GTF3C4: variants seen among roughly 807,000 people sequenced by gnomAD.
GTF3C4 encodes the protein general transcription factor IIIC subunit 4.
GTF3C4 carries 28 observed loss-of-function variants against 67.5 expected under a neutral mutation model. The observed-to-expected ratio is 0.41, with a 90% CI of 0.31 to 0.57. The LOEUF (loss-of-function observed/expected upper bound fraction) is 0.57. Ranked by LOEUF, GTF3C4 falls within the 20% of genes least tolerant of loss-of-function variation. GTF3C4 has a pLI of 0.21. For synonymous variants in GTF3C4, 409 were observed against 393.0 expected (o/e 1.04, Z -0.48); for missense variants, 831 against 1,033.2 (o/e 0.80, Z 2.68).
chr9:132,682,829 C>T (rs956013461), intron 2 of GTF3C4, among the ~76,000 whole-genome samples: 4 of 152,062 alleles, frequency 2.6e-5, no homozygotes, highest in Non-Finnish European at 4.4e-5. Flanking sequence ...GTCTCGAACT[C>T]CTGACCTCAA....
At chr9:132,671,443 A>G (rs957743897) in intron 1 of GTF3C4, among the ~76,000 whole-genome samples, 1 of 152,086 alleles carries the variant, frequency 6.6e-6, no homozygotes, top group African/African-American at 2.4e-5. Context: ...GGTCCCATCC[A>G]TTGTCTTAAT....
chr9:132,674,302 A>G (rs1263286801), intron 1 of GTF3C4, among the ~76,000 whole-genome samples: 1 of 152,266 alleles, frequency 6.6e-6, no homozygotes, highest in Non-Finnish European at 1.5e-5. Context: ...TGGACTTTTT[A>G]AGTATACTCC....
chr9:132,677,381 G>A (rs561791388), intron 1 of GTF3C4, among the ~76,000 whole-genome samples: 12 of 152,278 alleles, frequency 7.9e-5, no homozygotes, highest in Admixed American at 5.2e-4. Flanking sequence ...CAGCCCGGGC[G>A]ACAGAATGAG....
At position 132,679,831 on chromosome 9, in the gene GTF3C4, A is replaced by G. The variant is rs767326587; in HGVS notation, c.2184+28A>G. ...AGGTGTTTATTAACAAAAACTCTGA[A>G]ATTGTAAAGCCTGCTTTCTTCATGA... On this transcript the variant is annotated intron_variant, in intron 2 of 4. Coordinates refer to ENST00000372146, the MANE Select transcript of GTF3C4 (RefSeq NM_012204.4). This position sits in a 1 kb window ranked among gnomAD's most constrained non-coding sequence, Gnocchi z 5.9. The G allele has an allele frequency of 1.4e-4, 214 of 1,533,536 alleles. 1 individual carries two copies. The highest frequency in any genetic ancestry group is 5.2e-5 in the Non-Finnish European group (59 of 1,136,628). The allele number at this position is 1,533,536 out of a possible 1,614,324, so 95.0% of individuals were successfully genotyped here. A position where few individuals can be genotyped will look rare whatever the true frequency, so the allele number is the denominator to read the frequency against.
At chr9:132,687,623 A>C (rs971596694) in intron 4 of GTF3C4, among the ~76,000 whole-genome samples, 1 of 152,220 alleles carries the variant, frequency 6.6e-6, no homozygotes, top group African/African-American at 2.4e-5. Flanking sequence ...AAAATGTCAG[A>C]GCTTGTTTCA....
At chr9:132,671,613 C>A (rs535497914) in intron 1 of GTF3C4, among the ~76,000 whole-genome samples, 11 of 152,340 alleles carry the variant, frequency 7.2e-5, no homozygotes, top group South Asian at 6.2e-4. Context: ...TCTTAAACTT[C>A]AAGCGCAAGG....
intron 3 of GTF3C4, among the ~76,000 whole-genome samples, chr9:132,686,302 GGCTGAAATACCCCAGTAT>G (rs1302413790): frequency 6.6e-6 from 1 of 152,116 alleles, no homozygotes; most frequent in Non-Finnish European, 1.5e-5. Flanking sequence ...CTAAAGTTAG[GGCTGAAATACCCCAGTAT>G]GATTTCTCTA....
intron 3 of GTF3C4, among the ~76,000 whole-genome samples, chr9:132,686,705 A>C (rs922864265): frequency 6.6e-6 from 1 of 152,186 alleles, no homozygotes; most frequent in Admixed American, 6.5e-5. Flanking sequence ...GGTTTTCCCC[A>C]GTGTACTGTC....
rs1053961648 is a variant in GTF3C4, at chr9:132,691,798, C to G, written c.*2853C>G. 1.3e-5 allele frequency: 2 copies of G among 152,146 alleles called. No individual in the cohort carries two copies. The highest frequency in any genetic ancestry group is 4.8e-5 in the African/African-American group (2 of 41,444). The allele number at this position is 152,146 out of a possible 1,614,324, so 9.4% of individuals were successfully genotyped here. On this transcript the variant is annotated 3_prime_UTR_variant, in exon 5 of 5. Coordinates refer to ENST00000372146, the MANE Select transcript of GTF3C4 (RefSeq NM_012204.4). Reference sequence around the variant, plus strand: ...TGGCAAAGCTCATGGTTGAATATGACATTTTTCTGCTTTTCCCTCTAAGAA... The same window carrying G: ...TGGCAAAGCTCATGGTTGAATATGAGATTTTTCTGCTTTTCCCTCTAAGAA...
chr9:132,683,824 C>CTAT, intron 3 of GTF3C4, 131 bp downstream of exon 3: 1 of 884,180 alleles, frequency 1.1e-6, no homozygotes, highest in Non-Finnish European at 1.7e-6. Flanking sequence ...AGAAAAGCTG[C>CTAT]TATTATAAAG....
chr9:132,683,941 C>A lies in GTF3C4; in HGVS notation c.2315+248C>A, dbSNP rs192626125. Among the ~76,000 whole-genome samples, 144 of 152,204 alleles carry A rather than the reference C, an allele frequency of 9.5e-4. 1 individual carries two copies. The highest frequency in any genetic ancestry group is 1.9e-3 in the South Asian group (9 of 4,818). On this transcript the variant is annotated intron_variant, in intron 3 of 4. Transcript: ENST00000372146. ...TTTTCTTGTTTTATTTGTTCATTTT[C>A]CTAATTGAACAAATTATGGCTCCTC...
chr9:132,672,205 A>G (rs1835789871), intron 1 of GTF3C4, among the ~76,000 whole-genome samples: 1 of 152,228 alleles, frequency 6.6e-6, no homozygotes, highest in South Asian at 2.1e-4. Context: ...AAGGTGATTT[A>G]AAAGGTGTAT....
intron 1 of GTF3C4, among the ~76,000 whole-genome samples, chr9:132,672,361 AT>A (rs1249468819): frequency 3.3e-5 from 5 of 152,186 alleles, no homozygotes; most frequent in African/African-American, 1.2e-4. Flanking sequence ...GGAGAGACTT[AT>A]GGGGCAGGTC....
chr9:132,687,173 ACAT>A, intron 3 of GTF3C4, 63 bp from the exon 4 acceptor site: 1 of 854,532 alleles, frequency 1.2e-6, no homozygotes, highest in East Asian at 2.4e-5. Flanking sequence ...TGATGGAGAA[ACAT>A]CAGTTTCTGA....
Position 132,678,232 on chromosome 9 carries a change from C to T in GTF3C4, c.613C>T (p.Leu205=). The change falls in exon 2 of 5, where the codon CTG becomes TTG. Residue 205 remains leucine (L), a synonymous_variant. Coordinates refer to ENST00000372146, the MANE Select transcript of GTF3C4 (RefSeq NM_012204.4). The surrounding 1 kb of genome is among the most constrained non-coding windows in gnomAD (Gnocchi z 6.5). ...ANLNRLQWVQ[L]VDLTEIYGER... ...TCTCAACAGACTGCAGTGGGTCCAG[C>T]TGGTTGACCTGACTGAGATCTATGG... is the stretch of plus-strand genomic sequence containing the variant. 6.2e-7 allele frequency: 1 copy of T among 1,614,226 alleles called. No individual in the cohort carries two copies. The highest frequency in any genetic ancestry group is 8.5e-7 in the Non-Finnish European group (1 of 1,180,042).
rs879730525 is a variant in GTF3C4 at position 132,693,448 on chromosome 9, T to G, written c.*4503T>G. 1 of 152,222 alleles carries G rather than the reference T, an allele frequency of 6.6e-6. No individual in the cohort carries two copies. The highest frequency in any genetic ancestry group is 1.5e-5 in the Non-Finnish European group (1 of 68,036). 9.4% of individuals were successfully genotyped at this position (152,222 alleles called of 1,614,324 possible). On this transcript the variant is annotated 3_prime_UTR_variant, in exon 5 of 5. Transcript: ENST00000372146. ...ATCAATATGATATGCTTTGCCAACA[T>G]GATCTAAGAAGGTATTCATTCTTTC...
intron 1 of GTF3C4, among the ~76,000 whole-genome samples, chr9:132,676,911 A>C (rs549862350): frequency 3.9e-4 from 60 of 152,350 alleles, no homozygotes; most frequent in Non-Finnish European, 7.5e-4. Flanking sequence ...TAATTGAAGC[A>C]TTCTTTTTCT....
At chr9:132,683,530 C>T (rs762254957) in intron 2 of GTF3C4, 33 bp from the exon 3 acceptor site, 29 of 1,587,100 alleles carry the variant, frequency 1.8e-5, no homozygotes, top group Non-Finnish European at 2.4e-5. Flanking sequence ...CCTGCACTTA[C>T]ACTAAACTTT....
At position 132,678,022 on chromosome 9, in the gene GTF3C4, G is replaced by T; in HGVS notation, c.403G>T (p.Ala135Ser). 6.2e-7 allele frequency: 1 copy of T among 1,611,996 alleles called. No individual in the cohort carries two copies. The highest frequency in any genetic ancestry group is 1.1e-5 in the South Asian group (1 of 90,652). The change falls in exon 2 of 5, where the codon GCC becomes TCC. Residue 135 changes from alanine to serine, a missense_variant. Ala to Ser is a moderately conservative substitution (Grantham distance 99). Coordinates refer to ENST00000372146, the MANE Select transcript of GTF3C4 (RefSeq NM_012204.4). The surrounding 1 kb of genome is among the most constrained non-coding windows in gnomAD (Gnocchi z 6.5). ...TGCTGAGTGCAAGGAGAAATTCGCC[G>T]CCTCCAAGGACCCCACGGTCAGTCA... Reference protein sequence around the residue: ...EVAECKEKFAASKDPTVSQTF... With the variant: ...EVAECKEKFASSKDPTVSQTF...
Sources: gnomAD v4.1 joint callset for allele counts (sites outside exome capture counted in the v4.1 genomes callset) on GRCh38, gnomAD v4.1.1 for gene constraint, Gnocchi (gnomAD v3.1) non-coding constraint, MANE v1.5 for transcripts, NCBI Gene and HGNC (gene_info 2026-07-23, HGNC 2026-07-21) for gene names.